The following GRM4 variants were observed in gnomAD, a reference collection of about 807,000 sequenced individuals.
The protein encoded by GRM4 is metabotropic glutamate receptor 4.
In GRM4, 28 loss-of-function variants were observed where a neutral mutation model predicts 81.7. The observed-to-expected ratio is 0.34, with a 90% confidence interval of 0.25 to 0.47. The LOEUF is 0.47. Among genes scored for constraint, GRM4 ranks in the 20% least tolerant of loss-of-function variants. The pLI, the probability that GRM4 is intolerant of heterozygous loss-of-function variation, is 1.00. For missense variants in GRM4, 948 were observed against 1,290.0 expected, an observed-to-expected ratio of 0.73 and a Z score of 4.06; for synonymous variants, 488 against 528.8, an observed-to-expected ratio of 0.92 and a Z score of 1.06.
Position 34,034,814 on chromosome 6 carries a change from C to CT in GRM4, c.2442+853dup, listed in dbSNP as rs1254137880. On this transcript the variant is annotated intron_variant, in intron 9 of 10. Coordinates refer to ENST00000538487, the MANE Select transcript of GRM4 (RefSeq NM_000841.4). This position sits in a 1 kb window ranked among gnomAD's most constrained non-coding sequence, Gnocchi z 4.0. Reference sequence around the variant, plus strand: ...TGGCACTCAGACCAAGACCTGGGTCCTTGGTGCACCTTGATGCCCTGCCTT... The same window carrying CT: ...TGGCACTCAGACCAAGACCTGGGTCCTTTGGTGCACCTTGATGCCCTGCCTT... 6.6e-6 allele frequency among the ~76,000 whole-genome samples: 1 copy of CT among 152,238 alleles called. No individual in the cohort carries two copies. Among genetic ancestry groups the CT allele is most frequent in the Non-Finnish European group, 1.5e-5 (1 of 68,040 alleles).
At position 34,130,692 on chromosome 6, in the gene GRM4, G is replaced by A. The variant is rs1237281483; in HGVS notation, c.519+2286C>T. Among the ~76,000 whole-genome samples the A allele has an allele frequency of 6.6e-6, 1 of 152,208 alleles. No homozygotes were observed. The highest frequency in any genetic ancestry group is 1.5e-5 in the Non-Finnish European group (1 of 68,040). On this transcript the variant is annotated intron_variant, in intron 2 of 10. Transcript: ENST00000538487. The surrounding 1 kb of genome is among the most constrained non-coding windows in gnomAD (Gnocchi z 4.1). Reference sequence around the variant, plus strand: ...TGACCATTCCTTGAGCCTTCGCCATGTACCAAGTGATGGGGCACTCTCAGC... The same window carrying A: ...TGACCATTCCTTGAGCCTTCGCCATATACCAAGTGATGGGGCACTCTCAGC...
In GRM4 at chr6:34,028,219, C is replaced by A; in HGVS notation, c.2590G>T (p.Val864Phe). 6.2e-7 allele frequency: 1 copy of A among 1,614,116 alleles called. No individual in the cohort carries two copies. The highest frequency in any genetic ancestry group is 8.5e-7 in the Non-Finnish European group (1 of 1,180,030). ...PKRKRSLKAV[V>F]TAATMSNKFT... The stretch of plus-strand genomic sequence containing the variant: ...TTGTTGGACATGGTGGCCGCCGTAA[C>A]GACGGCTTTGAGGCTGCGCTTGCGC... Residue 864 changes from valine to phenylalanine, a missense_variant, in exon 10 of 11, where the codon GTT becomes TTT. Transcript: ENST00000538487.
intron 2 of GRM4, among the ~76,000 whole-genome samples, chr6:34,123,612 TTCCACAC>T (rs1359836890): frequency 6.6e-6 from 1 of 152,146 alleles, no homozygotes. Flanking sequence ...TGGTACTTTG[TTCCACAC>T]TCCACGGTCT....
intron 2 of GRM4, among the ~76,000 whole-genome samples, chr6:34,113,668 A>C (rs890211572): frequency 6.6e-6 from 1 of 152,174 alleles, no homozygotes; most frequent in Non-Finnish European, 1.5e-5. Context: ...TCTGTGGAGC[A>C]GAGCTGAGGC....
chr6:34,041,373 G>T (rs957831048), intron 6 of GRM4, among the ~76,000 whole-genome samples: 12 of 152,208 alleles, frequency 7.9e-5, no homozygotes, highest in African/African-American at 2.6e-4. Flanking sequence ...TCTACCTCAG[G>T]GACAACCCTC....
chr6:34,108,253 TTCTCA>T (rs1308047855), intron 2 of GRM4, among the ~76,000 whole-genome samples: 1 of 152,226 alleles, frequency 6.6e-6, no homozygotes, highest in African/African-American at 2.4e-5. Context: ...TGCCCCAGGT[TTCTCA>T]TCTAATAATC....
At chr6:34,050,196 G>A (rs769316312) in intron 6 of GRM4, among the ~76,000 whole-genome samples, 5 of 152,132 alleles carry the variant, frequency 3.3e-5, no homozygotes, top group South Asian at 4.1e-4. Flanking sequence ...CTTGCTGAGC[G>A]CTGTGCCTGG....
In GRM4 at chr6:34,135,793, A is replaced by G. The variant is rs143885003; in HGVS notation, c.-363-1934T>C. ...CCAGGTAATTCAGAAGAGAGAAACCATAAGAGCCATAGACGAATCTCATGG... is the reference window on the plus strand; with the variant it reads ...CCAGGTAATTCAGAAGAGAGAAACCGTAAGAGCCATAGACGAATCTCATGG... On this transcript the variant is annotated intron_variant, in intron 1 of 10. Transcript: ENST00000538487. Among the ~76,000 whole-genome samples, 572 of 152,374 alleles carry G rather than the reference A, an allele frequency of 3.8e-3. 1 individual carries two copies. Among genetic ancestry groups the G allele is most frequent in the Middle Eastern group, 0.02 (6 of 294 alleles).
chr6:34,072,613 CACACA>C (rs1766990413), intron 3 of GRM4, among the ~76,000 whole-genome samples: 3 of 7,066 alleles, frequency 4.2e-4, no homozygotes, highest in East Asian at 4.6e-3. Flanking sequence ...CACACACACA[CACACA>C]TCACCGCATA....
intron 3 of GRM4, among the ~76,000 whole-genome samples, chr6:34,087,841 C>CACACACACAT (rs1767993287): frequency 6.6e-6 from 1 of 151,164 alleles, no homozygotes; most frequent in Non-Finnish European, 1.5e-5. Flanking sequence ...CACACACACA[C>CACACACACAT]GTCCTGGCCT....
intron 6 of GRM4, among the ~76,000 whole-genome samples, chr6:34,044,711 CACACACAT>C (rs1270636616): frequency 2.3e-5 from 3 of 130,718 alleles, no homozygotes; most frequent in African/African-American, 1.1e-4. Flanking sequence ...TATACAGACA[CACACACAT>C]ACACACACAG....
rs1770597681 is a variant in GRM4 at position 34,139,650 on chromosome 6, C to T, written c.-363-5791G>A. On this transcript the variant is annotated intron_variant, in intron 1 of 10. Transcript: ENST00000538487. ...ACAGCACTGCCCTCATCTCTATGTT[C>T]CCCACGCCCAGTCCGAGGTTCAGAA... Among the ~76,000 whole-genome samples the T allele has an allele frequency of 1.3e-5, 2 of 152,208 alleles. 1 individual carries two copies. Among genetic ancestry groups the T allele is most frequent in the South Asian group, 4.1e-4 (2 of 4,826 alleles).
At position 34,036,660 on chromosome 6, in the gene GRM4, C is replaced by A; in HGVS notation, c.1507-57G>T. 2 of 976,060 alleles carry A rather than the reference C, an allele frequency of 2.0e-6. No homozygotes were observed. The highest frequency in any genetic ancestry group is 3.1e-6 in the Non-Finnish European group (2 of 651,736). 60.5% of individuals were successfully genotyped at this position (976,060 alleles called of 1,614,324 possible). On this transcript the variant is annotated intron_variant, in intron 8 of 10. Transcript: ENST00000538487. The surrounding 1 kb of genome is among the most constrained non-coding windows in gnomAD (Gnocchi z 9.0). ...AGAACATGCCACCCGGTGCCCCGGA[C>A]CATCCTACTGGGTGGTGGCACCTTG...
intron 3 of GRM4, among the ~76,000 whole-genome samples, chr6:34,073,233 ACATG>A (rs1767099901): frequency 2.3e-5 from 3 of 127,708 alleles, no homozygotes; most frequent in Non-Finnish European, 3.3e-5. Flanking sequence ...ATCACCAAAT[ACATG>A]CCACACACAC....
intron 10 of GRM4, among the ~76,000 whole-genome samples, chr6:34,023,790 T>C (rs74682998): frequency 0.012 from 1,877 of 152,270 alleles, 46 homozygotes; most frequent in African/African-American, 0.041. Context: ...AATGAAGCAT[T>C]GCCCAACTTG....
rs1771057050 is a variant in GRM4 at position 34,152,020 on chromosome 6, C to T, written c.312+3059G>A. Among the ~76,000 whole-genome samples, 1 of 152,096 alleles carries T rather than the reference C, an allele frequency of 6.6e-6. No homozygotes were observed. The highest frequency in any genetic ancestry group is 2.1e-4 in the South Asian group (1 of 4,826). ...CTGGGGCCTTAGATTGTGTCTGATGCCCCTGTCTTCCAAGCAAGCTCCAGG... is the reference window on the plus strand; with the variant it reads ...CTGGGGCCTTAGATTGTGTCTGATGTCCCTGTCTTCCAAGCAAGCTCCAGG... On this transcript the variant is annotated intron_variant, in intron 1 of 8. Coordinates refer to the GRM4 transcript ENST00000374177. The surrounding 1 kb of genome is among the most constrained non-coding windows in gnomAD (Gnocchi z 4.1).
rs983585314 is a variant in GRM4 at position 34,102,275 on chromosome 6, C to A, written c.520-10176G>T. Reference sequence around the variant, plus strand: ...ATGCCCTTTACAGCTCAGCTCAGAGCAGTCTGTCAGAATTACACTTGGCAT... The same window carrying A: ...ATGCCCTTTACAGCTCAGCTCAGAGAAGTCTGTCAGAATTACACTTGGCAT... On this transcript the variant is annotated intron_variant, in intron 2 of 10. Coordinates refer to ENST00000538487, the MANE Select transcript of GRM4 (RefSeq NM_000841.4). 5 of 775,528 alleles carry A rather than the reference C, an allele frequency of 6.4e-6. No homozygotes were observed. The South Asian group carries it at 7.0e-5, about 11-fold the overall frequency. 48.0% of individuals were successfully genotyped at this position (775,528 alleles called of 1,614,324 possible).
At chr6:34,099,955 AC>A (rs200013129) in intron 2 of GRM4, 22,052 of 649,976 alleles carry the variant, frequency 0.034, 476 homozygotes, top group Non-Finnish European at 0.038. Flanking sequence ...TTCGCCACAG[AC>A]CCTCCGGGAA....
At position 34,036,463 on chromosome 6, in the gene GRM4, C is replaced by T. The variant is rs1448002385; in HGVS notation, c.1647G>A (p.Gln549=). Residue 549 remains glutamine, a synonymous_variant, in exon 9 of 11, where the codon CAG becomes CAA. Coordinates refer to ENST00000538487, the MANE Select transcript of GRM4 (RefSeq NM_000841.4). This position sits in a 1 kb window ranked among gnomAD's most constrained non-coding sequence, Gnocchi z 9.0. ...TACAGGTGTAGCGGTCCACCTGGTA[C>T]TGGTACCCTGTGCAAGGCTCGCAGT... is the stretch of plus-strand genomic sequence containing the variant. ...CWHCEPCTGY[Q]YQVDRYTCKT... 1 of 1,613,574 alleles carries T rather than the reference C, an allele frequency of 6.2e-7. No individual in the cohort carries two copies. The highest frequency in any genetic ancestry group is 8.5e-7 in the Non-Finnish European group (1 of 1,179,870).
Sources: allele counts gnomAD v4.1 joint callset (sites outside exome capture counted in the v4.1 genomes callset), GRCh38; gene constraint gnomAD v4.1.1; non-coding constraint Gnocchi (gnomAD v3.1); transcripts MANE v1.5; gene names NCBI Gene and HGNC (gene_info 2026-07-23, HGNC 2026-07-21).